Variants in KCNJ15 observed in about 807,000 individuals in gnomAD.
KCNJ15 encodes the protein potassium inwardly rectifying channel subfamily J member 15.
KCNJ15 carries 14 observed loss-of-function variants against 23.0 expected under a neutral mutation model. The observed-to-expected ratio is 0.61, with a 90% CI of 0.40 to 0.95. KCNJ15 has a LOEUF of 0.95. KCNJ15 is among the 40% of genes least tolerant of loss of function. The pLI is 0.00. For synonymous variants in KCNJ15, 185 were observed against 183.2 expected, an observed-to-expected ratio of 1.01 and a Z score of -0.08; for missense variants, 388 against 461.8, an observed-to-expected ratio of 0.84 and a Z score of 1.46.
At chr21:38,247,576 G>A (rs1979529957) in intron 1 of KCNJ15, among the ~76,000 whole-genome samples, 2 of 151,974 alleles carry the variant, frequency 1.3e-5, no homozygotes, top group South Asian at 2.1e-4. Flanking sequence ...ATGGAAAGAT[G>A]CATGCATGCA....
intron 1 of KCNJ15, among the ~76,000 whole-genome samples, chr21:38,230,753 T>C (rs991801322): frequency 2.0e-5 from 3 of 152,252 alleles, no homozygotes; most frequent in Admixed American, 6.5e-5. Flanking sequence ...TAGTTTACTT[T>C]TGGGCTTTCA....
At chr21:38,253,288 A>G (rs536318448), upstream of KCNJ15, among the ~76,000 whole-genome samples, 6 of 152,334 alleles carry the variant, frequency 3.9e-5, no homozygotes, top group African/African-American at 1.4e-4. Flanking sequence ...CAAGATTTTA[A>G]TTTTGTGGCT....
At chr21:38,277,683 T>G (rs1236642584) in intron 1 of KCNJ15, among the ~76,000 whole-genome samples, 1 of 151,858 alleles carries the variant, frequency 6.6e-6, no homozygotes, top group East Asian at 1.9e-4. Flanking sequence ...TCTTCTTAAC[T>G]CAGAAGATTT....
upstream of KCNJ15, among the ~76,000 whole-genome samples, chr21:38,255,492 C>A (rs1020317241): frequency 1.3e-5 from 2 of 152,154 alleles, no homozygotes; most frequent in Non-Finnish European, 2.9e-5. Context: ...GCCCTGAACC[C>A]CTGGGAGCCC....
intron 1 of KCNJ15, among the ~76,000 whole-genome samples, chr21:38,271,534 C>T (rs889968696): frequency 3.9e-5 from 6 of 152,212 alleles, no homozygotes; most frequent in Non-Finnish European, 2.9e-5. Flanking sequence ...AAGAGGCATG[C>T]GATTCCTGCT....
intron 1 of KCNJ15, among the ~76,000 whole-genome samples, chr21:38,277,671 G>A (rs1227803854): frequency 4.6e-5 from 7 of 152,276 alleles, no homozygotes; most frequent in African/African-American, 1.7e-4. Context: ...ATAAAAGGAA[G>A]TTCTTCTTAA....
intron 1 of KCNJ15, among the ~76,000 whole-genome samples, chr21:38,291,404 A>G (rs1243106079): frequency 6.6e-6 from 1 of 152,156 alleles, no homozygotes; most frequent in Admixed American, 6.5e-5. Context: ...GCTTTTTTCC[A>G]GCAATTCTCA....
rs1249512909 is a variant in KCNJ15, at chr21:38,300,740, T to TTAGCTG, written c.*354_*359dup. 4.8e-6 allele frequency: 1 copy of TTAGCTG among 209,664 alleles called. No individual in the cohort carries two copies. Among genetic ancestry groups the TTAGCTG allele is most frequent in the Non-Finnish European group, 1.0e-5 (1 of 95,438 alleles). The allele number at this position is 209,664 out of a possible 1,614,324, so 13.0% of individuals were successfully genotyped here. A position where few individuals can be genotyped will look rare whatever the true frequency, so the allele number is the denominator to read the frequency against. ...GGAAATGTATTTCTATACAAGATTATTAGCTGTAATACAAGATATTTATTT... is the reference window on the plus strand; with the variant it reads ...GGAAATGTATTTCTATACAAGATTATTAGCTGTAGCTGTAATACAAGATATTTATTT... On this transcript the variant is annotated 3_prime_UTR_variant, in exon 3 of 3. Transcript: ENST00000398938.
intron 1 of KCNJ15, chr21:38,237,164 C>G (rs1343257443): frequency 2.6e-5 from 4 of 152,160 alleles, no homozygotes; most frequent in African/African-American, 7.2e-5. Context: ...AACTTCTCAC[C>G]CAAAATTTGG....
chr21:38,286,822 G>A (rs1296010855), intron 1 of KCNJ15, among the ~76,000 whole-genome samples: 1 of 152,178 alleles, frequency 6.6e-6, no homozygotes, highest in Non-Finnish European at 1.5e-5. Flanking sequence ...TATTTTAGAT[G>A]GCCTCTAACT....
chr21:38,274,048 A>G (rs928809905), intron 1 of KCNJ15, among the ~76,000 whole-genome samples: 1 of 152,182 alleles, frequency 6.6e-6, no homozygotes, highest in Non-Finnish European at 1.5e-5. Flanking sequence ...CTAATGTGGT[A>G]TTTGTAAACC....
intron 1 of KCNJ15, among the ~76,000 whole-genome samples, chr21:38,274,748 CT>C (rs1056758329): frequency 1.1e-4 from 17 of 152,296 alleles, no homozygotes; most frequent in African/African-American, 4.1e-4. Flanking sequence ...TCTTAATTGT[CT>C]GCTTTTATTA....
Position 38,301,732 on chromosome 21 carries a change from G to C in KCNJ15, c.*1343G>C, listed in dbSNP as rs1985792997. The C allele has an allele frequency of 1.2e-5, 2 of 167,138 alleles. No individual in the cohort carries two copies. Among genetic ancestry groups the C allele is most frequent in the Admixed American group, 1.3e-4 (2 of 15,290 alleles). The allele number at this position is 167,138 out of a possible 1,614,324, so 10.4% of individuals were successfully genotyped here. A position where few individuals can be genotyped will look rare whatever the true frequency, so the allele number is the denominator to read the frequency against. On this transcript the variant is annotated 3_prime_UTR_variant, in exon 3 of 3. Coordinates refer to ENST00000398938, the MANE Select transcript of KCNJ15 (RefSeq NM_170736.3). ...ATTTAAATAAAGCTCATACCAAGAG[G>C]TAACATTTTGCCCCGGGCCAAATTC...
At chr21:38,288,062 A>G (rs1277306840) in intron 1 of KCNJ15, among the ~76,000 whole-genome samples, 1 of 11,564 alleles carries the variant, frequency 8.6e-5, no homozygotes, top group African/African-American at 1.7e-4. Context: ...TTTTTTTGAG[A>G]TGGAGTCTCA....
chr21:38,236,827 G>C, intron 1 of KCNJ15, among the ~76,000 whole-genome samples: 1 of 152,138 alleles, frequency 6.6e-6, no homozygotes, highest in Non-Finnish European at 1.5e-5. Flanking sequence ...ACTGATTTCT[G>C]CTCCTGAAGT....
chr21:38,238,489 G>T (rs1056307154), intron 1 of KCNJ15: 1 of 651,462 alleles, frequency 1.5e-6, no homozygotes, highest in Non-Finnish European at 2.9e-6. Context: ...CTGCCTGAGG[G>T]TCTGCTGCTG....
intron 1 of KCNJ15, among the ~76,000 whole-genome samples, chr21:38,275,923 G>A (rs1313385050): frequency 6.6e-6 from 1 of 152,040 alleles, no homozygotes; most frequent in Admixed American, 6.6e-5. Context: ...CCTCCTCCTG[G>A]AAATCCTTAA....
intron 1 of KCNJ15, among the ~76,000 whole-genome samples, chr21:38,251,319 G>A (rs1281443062): frequency 1.3e-5 from 2 of 152,222 alleles, no homozygotes; most frequent in East Asian, 1.9e-4. Flanking sequence ...AACATGTGGT[G>A]TAAGGTTGCA....
chr21:38,290,202 A>G (rs549406045), intron 1 of KCNJ15, among the ~76,000 whole-genome samples: 1 of 152,332 alleles, frequency 6.6e-6, no homozygotes, highest in South Asian at 2.1e-4. Flanking sequence ...GAAAATGGCA[A>G]ATGAGTCCCC....
Sources: allele counts gnomAD v4.1 joint callset (sites outside exome capture counted in the v4.1 genomes callset), GRCh38; gene constraint gnomAD v4.1.1; transcripts MANE v1.5; gene names NCBI Gene and HGNC (gene_info 2026-07-23, HGNC 2026-07-21).